The following TG variants were observed in gnomAD, a reference collection of about 807,000 sequenced individuals.
TG encodes the protein thyroid hormones.
TG carries 270 observed loss-of-function variants against 324.7 expected under a neutral mutation model. That is an observed-to-expected ratio of 0.83 (90% CI 0.75 to 0.92). The LOEUF (loss-of-function observed/expected upper bound fraction) is 0.92. Among genes scored for constraint, TG ranks in the 40% least tolerant of loss-of-function variants. TG has a pLI of 0.00. For missense variants in TG, 3,591 were observed against 3,456.4 expected, an observed-to-expected ratio of 1.04 and a Z score of -0.98; for synonymous variants, 1,401 against 1,327.0, an observed-to-expected ratio of 1.06 and a Z score of -1.21.
chr8:132,976,905 A>G (rs11777934), intron 34 of TG, among the ~76,000 whole-genome samples: 56,816 of 151,946 alleles, frequency 0.37, 11,050 homozygotes, highest in African/African-American at 0.44. Flanking sequence ...TTTGTGGATT[A>G]TTTCCTCCTA....
At chr8:132,876,282 C>A (rs1813784574) in intron 5 of TG, among the ~76,000 whole-genome samples, 1 of 151,958 alleles carries the variant, frequency 6.6e-6, no homozygotes, top group African/African-American at 2.4e-5. Context: ...CAGGTGGAAT[C>A]CACAGAACTT....
chr8:133,004,845 C>A (rs571604713), intron 35 of TG, among the ~76,000 whole-genome samples: 61 of 152,210 alleles, frequency 4.0e-4, no homozygotes, highest in Non-Finnish European at 4.3e-4. Flanking sequence ...CCTGAGTGGG[C>A]TGAGACTCAT....
At chr8:132,927,906 G>C (rs751151420) in intron 22 of TG, among the ~76,000 whole-genome samples, 5 of 152,148 alleles carry the variant, frequency 3.3e-5, no homozygotes, top group Admixed American at 6.5e-5. Context: ...AATATAAAAA[G>C]AGATGAGAGA....
chr8:132,974,228 A>G (rs1403983903), intron 34 of TG, among the ~76,000 whole-genome samples: 1 of 152,058 alleles, frequency 6.6e-6, no homozygotes, highest in Non-Finnish European at 1.5e-5. Flanking sequence ...TCCTGACCTC[A>G]GGTGATCCAC....
At chr8:133,051,930 G>C (rs1840479325) in intron 41 of TG, among the ~76,000 whole-genome samples, 1 of 152,200 alleles carries the variant, frequency 6.6e-6, no homozygotes, top group Admixed American at 6.5e-5. Context: ...CTGAGCACCT[G>C]TCGTAAGCAG....
At chr8:133,060,694 G>T (rs1842247394) in intron 41 of TG, among the ~76,000 whole-genome samples, 1 of 152,190 alleles carries the variant, frequency 6.6e-6, no homozygotes, top group Non-Finnish European at 1.5e-5. Flanking sequence ...CTTTAACAAA[G>T]GATGAAAGAG....
chr8:133,080,049 G>A (rs994613440), intron 41 of TG, among the ~76,000 whole-genome samples: 10 of 152,100 alleles, frequency 6.6e-5, no homozygotes, highest in African/African-American at 2.4e-4. Flanking sequence ...AAATAAATGA[G>A]TAAAGTCATA....
chr8:133,128,053 AG>A (rs796331804), intron 45 of TG, among the ~76,000 whole-genome samples: 19 of 152,162 alleles, frequency 1.2e-4, no homozygotes, highest in African/African-American at 4.6e-4. Flanking sequence ...TTCTTATGGT[AG>A]TTGGTAAGTA....
chr8:133,115,608 C>G (rs1850616703), intron 44 of TG, among the ~76,000 whole-genome samples: 1 of 152,226 alleles, frequency 6.6e-6, no homozygotes, highest in Non-Finnish European at 1.5e-5. Context: ...TTGGGCATTA[C>G]AAAACCTCTT....
chr8:132,989,406 C>A lies in TG; in HGVS notation c.6262+5994C>A, dbSNP rs541805529. On this transcript the variant is annotated intron_variant, in intron 35 of 47. Coordinates refer to ENST00000220616, the MANE Select transcript of TG (RefSeq NM_003235.5). ...ATTTGGAAAATGCTCCCGCCATTGA[C>A]TTTGAGCCCTTTTGAGCAATGGGTG... 5.3e-5 allele frequency among the ~76,000 whole-genome samples: 8 copies of A among 152,362 alleles called. No individual in the cohort carries two copies. In the East Asian group the frequency reaches 1.5e-3, roughly 29 times the overall value.
rs1457028203 is a variant in TG, at chr8:132,954,193, G to A, written c.5401+5250G>A. On this transcript the variant is annotated intron_variant, in intron 27 of 47. Coordinates refer to ENST00000220616, the MANE Select transcript of TG (RefSeq NM_003235.5). ...TTACAGTACACCTGTGGTACTCATTGCAATCAGACGCATCTAGATGAGATG... is the reference window on the plus strand; with the variant it reads ...TTACAGTACACCTGTGGTACTCATTACAATCAGACGCATCTAGATGAGATG... Among the ~76,000 whole-genome samples the A allele has an allele frequency of 2.0e-5, 3 of 152,128 alleles. 1 individual carries two copies. Among genetic ancestry groups the A allele is most frequent in the Admixed American group, 1.3e-4 (2 of 15,270 alleles).
chr8:132,958,710 CA>C (rs34843766), intron 27 of TG, among the ~76,000 whole-genome samples: 3 of 148,148 alleles, frequency 2.0e-5, no homozygotes, highest in African/African-American at 4.9e-5. Context: ...GACTTTGTCT[CA>C]AAAAAAAAAA....
At chr8:132,869,678 G>C (rs1158451491) in intron 2 of TG, 51 bp from the exon 3 acceptor site, 2 of 1,509,514 alleles carry the variant, frequency 1.3e-6, no homozygotes, top group Admixed American at 3.3e-5. Flanking sequence ...GAGCCGGCAT[G>C]TGGCTTTGGG....
At chr8:132,874,045 A>G (rs922092071) in intron 5 of TG, among the ~76,000 whole-genome samples, 1 of 152,040 alleles carries the variant, frequency 6.6e-6, no homozygotes, top group Non-Finnish European at 1.5e-5. Context: ...GGTGGTGCAC[A>G]CCTGTAGTCC....
chr8:132,989,241 G>A (rs903773762), intron 35 of TG, among the ~76,000 whole-genome samples: 1 of 152,198 alleles, frequency 6.6e-6, no homozygotes, highest in African/African-American at 2.4e-5. Context: ...TGAGATTTGG[G>A]TGGGACACAG....
chr8:132,981,624 C>T (rs548227693), intron 34 of TG, among the ~76,000 whole-genome samples: 2 of 152,184 alleles, frequency 1.3e-5, no homozygotes, highest in Admixed American at 1.3e-4. Context: ...TGACAGAAGC[C>T]TTGGCTCAGC....
At chr8:133,045,202 G>GTCTCCCTGCCTCA in intron 41 of TG, 5 of 1,438,008 alleles carry the variant, frequency 3.5e-6, no homozygotes, top group Non-Finnish European at 4.8e-6. Context: ...ACTGAGGCAG[G>GTCTCCCTGCCTCA]GAGACCTGCC....
Position 132,869,861 on chromosome 8 carries a change from C to G in TG, c.274+35C>G, listed in dbSNP as rs369008058. 31 of 1,584,000 alleles carry G rather than the reference C, an allele frequency of 2.0e-5. No individual in the cohort carries two copies. The African/African-American group carries it at 4.0e-4, about 21-fold the overall frequency. Reference sequence around the variant, plus strand: ...AGTGGGGGACGTCCCTTGGAGGGACCCTGCTAGGACAACTCACTTCCAGGA... The same window carrying G: ...AGTGGGGGACGTCCCTTGGAGGGACGCTGCTAGGACAACTCACTTCCAGGA... On this transcript the variant is annotated intron_variant, in intron 3 of 47. Coordinates refer to ENST00000220616, the MANE Select transcript of TG (RefSeq NM_003235.5).
chr8:132,994,702 C>T (rs1832704909), intron 35 of TG: 1 of 1,288,314 alleles, frequency 7.8e-7, no homozygotes, highest in Admixed American at 2.3e-5. Context: ...GAAGCATCTA[C>T]CTCTTCTCCC....
Sources: allele counts gnomAD v4.1 joint callset (sites outside exome capture counted in the v4.1 genomes callset), GRCh38; gene constraint gnomAD v4.1.1; transcripts MANE v1.5; gene names NCBI Gene and HGNC (gene_info 2026-07-23, HGNC 2026-07-21).